Variants in HECW1 observed in about 807,000 individuals in gnomAD.
HECW1 encodes HECT, C2 and WW domain containing E3 ubiquitin protein ligase 1.
HECW1 carries 61 observed loss-of-function variants against 182.3 expected under a neutral mutation model. The ratio of observed to expected loss-of-function variants is 0.33; its 90% CI spans 0.27 to 0.41. The LOEUF (loss-of-function observed/expected upper bound fraction) is 0.41, where lower values mean the gene tolerates loss of function less well. HECW1 is among the 10% of genes least tolerant of loss of function. The probability of loss-of-function intolerance (pLI) is 1.00; values close to 1 mark genes in which losing one functional copy is unlikely to be tolerated. For missense variants in HECW1, 1,739 were observed against 2,108.9 expected (o/e 0.82, Z 3.44); for synonymous variants, 859 against 832.6 (o/e 1.03, Z -0.55).
At chr7:43,313,763 C>T (rs1808837237) in intron 4 of HECW1, among the ~76,000 whole-genome samples, 1 of 152,204 alleles carries the variant, frequency 6.6e-6, no homozygotes, top group Non-Finnish European at 1.5e-5. Context: ...ATTTGGCAGC[C>T]TGAGCCTGTG....
At chr7:43,515,779 C>T (rs2080119214) in intron 24 of HECW1, among the ~76,000 whole-genome samples, 2 of 152,006 alleles carry the variant, frequency 1.3e-5, no homozygotes, top group Non-Finnish European at 2.9e-5. Context: ...TAATATTTAC[C>T]AAAACTTTGT....
At chr7:43,306,695 C>T (rs1234696287) in intron 3 of HECW1, among the ~76,000 whole-genome samples, 1 of 152,096 alleles carries the variant, frequency 6.6e-6, no homozygotes, top group Non-Finnish European at 1.5e-5. Flanking sequence ...ATGGCACTCA[C>T]TCACGGCTTT....
At chr7:43,210,422 A>G (rs1302575168) in intron 2 of HECW1, among the ~76,000 whole-genome samples, 1 of 150,740 alleles carries the variant, frequency 6.6e-6, no homozygotes, top group Admixed American at 6.6e-5. Flanking sequence ...CCACTGATAG[A>G]AGACTCAAGA....
At position 43,423,377 on chromosome 7, in the gene HECW1, T is replaced by C. The variant is rs559793351; in HGVS notation, c.802-14626T>C. On this transcript the variant is annotated intron_variant, in intron 8 of 29. Transcript: ENST00000395891. ...TGAATGAATCACCAACATGAAAACA[T>C]AGGGGACACTCTTCTGTTTACGTGG... 2.0e-5 allele frequency among the ~76,000 whole-genome samples: 3 copies of C among 152,236 alleles called. No individual in the cohort carries two copies. In the South Asian group the frequency reaches 6.2e-4, roughly 32 times the overall value.
At chr7:43,552,369 TCA>T (rs773123306) in intron 28 of HECW1, 33 bp downstream of exon 28, 16 of 1,254,736 alleles carry the variant, frequency 1.3e-5, no homozygotes, top group Non-Finnish European at 1.8e-5. Context: ...GATGCAATGA[TCA>T]CAAATAGAAC....
intron 6 of HECW1, among the ~76,000 whole-genome samples, chr7:43,393,098 T>C (rs1245408723): frequency 6.6e-6 from 1 of 152,142 alleles, no homozygotes; most frequent in African/African-American, 2.4e-5. Flanking sequence ...TTGGAATCTG[T>C]TAAACCATTT....
Position 43,442,576 on chromosome 7 carries a change from A to T in HECW1, c.992A>T (p.His331Leu), listed in dbSNP as rs1178298677. 1 of 1,613,222 alleles carries T rather than the reference A, an allele frequency of 6.2e-7. No individual in the cohort carries two copies. The highest frequency in any genetic ancestry group is 1.3e-5 in the African/African-American group (1 of 74,928). Residue 331 changes from histidine (H) to leucine (L), a missense_variant, in exon 10 of 30, where the codon CAT becomes CTT. Physicochemically the swap from His to Leu is moderately conservative, Grantham distance 99. This residue lies in a region of HECW1 where 66 missense variants were observed against 113.8 expected (regional missense o/e 0.58). Transcript: ENST00000395891. ...YTLGRRLPTD[H>L]VSGQLQFRFE... is the part of the protein sequence containing the mutation. ...CTTGGCCGCAGGCTTCCAACAGATCATGTGAGTGGACAGCTGCAATTCCGA... is the reference window on the plus strand; with the variant it reads ...CTTGGCCGCAGGCTTCCAACAGATCTTGTGAGTGGACAGCTGCAATTCCGA...
chr7:43,522,161 C>A (rs988377882), intron 24 of HECW1: 3 of 152,174 alleles, frequency 2.0e-5, no homozygotes. Flanking sequence ...ATTACTCAAG[C>A]CATGGTATTT....
chr7:43,482,813 G>T (rs933056425), intron 17 of HECW1, among the ~76,000 whole-genome samples: 4 of 152,160 alleles, frequency 2.6e-5, no homozygotes, highest in Non-Finnish European at 4.4e-5. Context: ...GCTGAAGTGG[G>T]AGGATGGCTT....
chr7:43,239,306 C>A (rs928307576), intron 2 of HECW1: 5 of 152,178 alleles, frequency 3.3e-5, no homozygotes, highest in African/African-American at 1.2e-4. Flanking sequence ...TTAAAAATCC[C>A]CTTCAAAATA....
chr7:43,140,319 C>T lies in HECW1; in HGVS notation c.-32+25928C>T, dbSNP rs558309945. Among the ~76,000 whole-genome samples, 3 of 152,282 alleles carry T rather than the reference C, an allele frequency of 2.0e-5. No homozygotes were observed. The South Asian group carries it at 6.2e-4, about 32-fold the overall frequency. On this transcript the variant is annotated intron_variant, in intron 2 of 29. Transcript: ENST00000395891. Reference sequence around the variant, plus strand: ...GAAGTTAGTGGACTCACAGGACTAGCAGGGAGGTCCCAGGCCATAGAGGTG... The same window carrying T: ...GAAGTTAGTGGACTCACAGGACTAGTAGGGAGGTCCCAGGCCATAGAGGTG...
chr7:43,452,014 A>G (rs1301412320), intron 12 of HECW1, among the ~76,000 whole-genome samples: 8 of 152,190 alleles, frequency 5.3e-5, no homozygotes, highest in Non-Finnish European at 8.8e-5. Flanking sequence ...ACTGTAATTT[A>G]TTGGTGAGAA....
intron 4 of HECW1, 109 bp from the exon 5 acceptor site, chr7:43,320,526 T>A (rs2152780522): frequency 1.3e-6 from 1 of 742,936 alleles, no homozygotes; most frequent in Middle Eastern, 3.0e-4. Flanking sequence ...TGCTTTTTCT[T>A]CTGTTGAGAT....
chr7:43,269,863 T>A (rs1802193924), intron 3 of HECW1, among the ~76,000 whole-genome samples: 1 of 152,186 alleles, frequency 6.6e-6, no homozygotes. Context: ...TGACTGCTAC[T>A]GAAATCTGAT....
chr7:43,203,696 G>GATCC (rs1416396694), intron 2 of HECW1, among the ~76,000 whole-genome samples: 1 of 152,112 alleles, frequency 6.6e-6, no homozygotes, highest in Non-Finnish European at 1.5e-5. Flanking sequence ...GACCTCAAAT[G>GATCC]ATCCACCCAC....
chr7:43,460,559 C>CGT (rs142785518), intron 13 of HECW1, among the ~76,000 whole-genome samples: 133 of 149,988 alleles, frequency 8.9e-4, no homozygotes, highest in East Asian at 1.8e-3. Flanking sequence ...TGCGTGTGTG[C>CGT]GTGTGTGTGT....
chr7:43,547,835 G>A (rs1405753100), intron 26 of HECW1, among the ~76,000 whole-genome samples: 2 of 152,146 alleles, frequency 1.3e-5, no homozygotes, highest in African/African-American at 4.8e-5. Flanking sequence ...CCTTCGTGTG[G>A]GTCCCACAAT....
rs753067295 is a variant in HECW1, at chr7:43,407,558, A to G, written c.632-4A>G. ...TTTAAATTAAAGTATCCTTTATTTTATAGATTTCCAAGCCATGGGGTTGAA... is the reference window on the plus strand; with the variant it reads ...TTTAAATTAAAGTATCCTTTATTTTGTAGATTTCCAAGCCATGGGGTTGAA... On this transcript the variant is annotated splice_region_variant and splice_polypyrimidine_tract_variant and intron_variant, in intron 7 of 29. Transcript: ENST00000395891. 3.1e-6 allele frequency: 5 copies of G among 1,605,662 alleles called. No homozygotes were observed. The South Asian group carries it at 5.5e-5, about 18-fold the overall frequency.
At chr7:43,314,592 A>G (rs1211931847) in intron 4 of HECW1, among the ~76,000 whole-genome samples, 2 of 152,238 alleles carry the variant, frequency 1.3e-5, no homozygotes, top group East Asian at 3.8e-4. Context: ...TGGTGTTAAC[A>G]TGACATTTTG....
Sources: gnomAD v4.1 joint callset for allele counts (sites outside exome capture counted in the v4.1 genomes callset) on GRCh38, gnomAD v4.1.1 for gene constraint, gnomAD v4.1.1 regional missense constraint, MANE v1.5 for transcripts, NCBI Gene and HGNC (gene_info 2026-07-23, HGNC 2026-07-21) for gene names.